RSF1: variants seen among roughly 807,000 people sequenced by gnomAD.
RSF1 encodes HBV pX-associated protein 8.
In RSF1, 13 loss-of-function variants were observed where a neutral mutation model predicts 145.2. The observed-to-expected ratio is 0.09, with a 90% CI of 0.06 to 0.14. The LOEUF (loss-of-function observed/expected upper bound fraction) is 0.14, where lower values mean the gene tolerates loss of function less well. Ranked by LOEUF, RSF1 falls within the 10% of genes least tolerant of loss-of-function variation. The pLI is 1.00. For missense variants in RSF1, 1,517 were observed against 1,718.2 expected (o/e 0.88, Z 2.07); for synonymous variants, 577 against 592.6 (o/e 0.97, Z 0.38).
At chr11:77,843,089 G>A in the RSF1 span, among the ~76,000 whole-genome samples, 8 of 152,310 alleles carry the variant, frequency 5.3e-5, no homozygotes, top group East Asian at 1.5e-3. Flanking sequence ...TTGAGGTACT[G>A]CCAGACTATC....
chr11:77,673,118 T>C (rs1959600538), intron 14 of RSF1, among the ~76,000 whole-genome samples: 1 of 152,232 alleles, frequency 6.6e-6, no homozygotes, highest in South Asian at 2.1e-4. Flanking sequence ...TATGCTGTTC[T>C]ACCTGTCACT....
intron 15 of RSF1, among the ~76,000 whole-genome samples, chr11:77,671,308 T>A (rs1382461165): frequency 6.7e-6 from 1 of 150,150 alleles, no homozygotes; most frequent in Admixed American, 6.7e-5. Flanking sequence ...GGGGGCACAG[T>A]TATAGCTATT....
In RSF1 at chr11:77,782,412, G is replaced by A. The variant is rs537090566; in HGVS notation, c.188-17723C>T. ...AAAACTTAGCCAGGTGTGGTGGCGC[G>A]CACCTGTAGTCCCAGCTACTCAGGA... On this transcript the variant is annotated intron_variant, in intron 1 of 15. Transcript: ENST00000308488. 5.3e-4 allele frequency among the ~76,000 whole-genome samples: 81 copies of A among 152,196 alleles called. No homozygotes were observed. In the South Asian group the frequency reaches 0.016, roughly 30 times the overall value.
At chr11:77,697,626 A>G (rs996151702) in intron 7 of RSF1, among the ~76,000 whole-genome samples, 12 of 149,504 alleles carry the variant, frequency 8.0e-5, no homozygotes, top group African/African-American at 1.2e-4. Context: ...AAAGCTCTCT[A>G]TAAAAGTGGT....
At chr11:77,772,281 T>C (rs901509156) in intron 1 of RSF1, among the ~76,000 whole-genome samples, 1 of 152,072 alleles carries the variant, frequency 6.6e-6, no homozygotes, top group African/African-American at 2.4e-5. Context: ...CTGATCCTTC[T>C]ACCTCAGCCT....
chr11:77,729,895 C>CAAAAAAAAAAAAAAAAAAAAAAAAAAAAA lies in RSF1; in HGVS notation c.579-4197_579-4196insTTTTTTTTTTTTTTTTTTTTTTTTTTTTT, dbSNP rs398045289. Among the ~76,000 whole-genome samples, 28 of 48,938 alleles carry CAAAAAAAAAAAAAAAAAAAAAAAAAAAAA rather than the reference C, an allele frequency of 5.7e-4. 7 individuals carry two copies. Among genetic ancestry groups the CAAAAAAAAAAAAAAAAAAAAAAAAAAAAA allele is most frequent in the Non-Finnish European group, 9.8e-4 (22 of 22,362 alleles). 32.1% of individuals were successfully genotyped at this position (48,938 alleles called of 152,430 possible). The stretch of plus-strand genomic sequence containing the variant: ...TATAAATGCCAAATTATTCAGTAGG[C>CAAAAAAAAAAAAAAAAAAAAAAAAAAAAA]AAAAAAAAAAAAAAAAAAAAAAAAA... On this transcript the variant is annotated intron_variant, in intron 4 of 15. Coordinates refer to ENST00000308488, the MANE Select transcript of RSF1 (RefSeq NM_016578.4).
At chr11:77,667,881 T>C (rs1048930260) in intron 15 of RSF1, among the ~76,000 whole-genome samples, 24 of 152,054 alleles carry the variant, frequency 1.6e-4, no homozygotes, top group Admixed American at 1.2e-3. Flanking sequence ...CTTTTTGTAT[T>C]TTTAGTAGAG....
At chr11:77,856,882 A>G in the RSF1 span, among the ~76,000 whole-genome samples, 2 of 152,236 alleles carry the variant, frequency 1.3e-5, no homozygotes, top group African/African-American at 4.8e-5. Context: ...TCCATATTTC[A>G]TTCTTTACTG....
chr11:77,840,267 G>A, the RSF1 span, among the ~76,000 whole-genome samples: 137 of 152,258 alleles, frequency 9.0e-4, 1 homozygote, highest in African/African-American at 3.1e-3. Context: ...AGTGGCTCAC[G>A]CCTGTAATCC....
intron 1 of RSF1, among the ~76,000 whole-genome samples, chr11:77,803,208 C>T (rs1174582724): frequency 6.6e-6 from 1 of 152,022 alleles, no homozygotes; most frequent in Non-Finnish European, 1.5e-5. Flanking sequence ...AGTGCAGTGG[C>T]ACAACCATGG....
chr11:77,712,806 T>C (rs538546105), intron 5 of RSF1, among the ~76,000 whole-genome samples: 2 of 152,244 alleles, frequency 1.3e-5, no homozygotes, highest in East Asian at 3.8e-4. Flanking sequence ...TAGATATTAT[T>C]CTATGGATTA....
chr11:77,678,951 C>T (rs184406573), intron 11 of RSF1, among the ~76,000 whole-genome samples: 15 of 152,272 alleles, frequency 9.9e-5, no homozygotes, highest in Admixed American at 3.9e-4. Context: ...ATCCAGTTTA[C>T]GGTTACTTTC....
chr11:77,666,891 A>C lies in RSF1; in HGVS notation c.*26T>G. On this transcript the variant is annotated 3_prime_UTR_variant, in exon 16 of 16. Coordinates refer to ENST00000308488, the MANE Select transcript of RSF1 (RefSeq NM_016578.4). ...TGGTGTGAGAGCTACCGTGGAATAA[A>C]TTAGCACAAAAATGGAAAAAAAGTC... 2 of 1,499,008 alleles carry C rather than the reference A, an allele frequency of 1.3e-6. No individual in the cohort carries two copies. The highest frequency in any genetic ancestry group is 1.8e-6 in the Non-Finnish European group (2 of 1,119,050). The allele number at this position is 1,499,008 out of a possible 1,614,324, so 92.9% of individuals were successfully genotyped here.
intron 5 of RSF1, chr11:77,718,339 A>T (rs1248543922): frequency 6.6e-6 from 1 of 152,162 alleles, no homozygotes; most frequent in Non-Finnish European, 1.5e-5. Context: ...GTTTTGATAC[A>T]CGTAATAGTT....
At chr11:77,793,619 T>C (rs1181415933) in intron 1 of RSF1, among the ~76,000 whole-genome samples, 5 of 152,138 alleles carry the variant, frequency 3.3e-5, no homozygotes, top group East Asian at 1.9e-4. Context: ...TGAGCAGAAG[T>C]AGCTAAACAT....
intron 4 of RSF1, among the ~76,000 whole-genome samples, chr11:77,734,309 G>T (rs558548192): frequency 1.3e-3 from 114 of 85,534 alleles, no homozygotes; most frequent in Admixed American, 2.0e-3. Flanking sequence ...TACTTTTTTT[G>T]GGGGGGGGTA....
intron 7 of RSF1, among the ~76,000 whole-genome samples, chr11:77,697,680 A>G (rs546837626): frequency 6.6e-6 from 1 of 150,942 alleles, no homozygotes; most frequent in Non-Finnish European, 1.5e-5. Context: ...TTATTCTCCT[A>G]TAAATTAAAA....
chr11:77,828,564 G>T, the RSF1 span, among the ~76,000 whole-genome samples: 1 of 151,618 alleles, frequency 6.6e-6, no homozygotes. Context: ...CCAGCTACTC[G>T]GGAGGCTGCG....
rs1375447517 is a variant in RSF1 at position 77,700,958 on chromosome 11, G to C, written c.2271C>G (p.Asn757Lys). The stretch of plus-strand genomic sequence containing the variant: ...CTTCCTTTTCTGTCTTCTCTTGCTT[G>C]TTTTCTGGTTCTAGAACTTTGGGGG... ...DSPPKVLEPE[N>K]KQEKTEKEEE... Residue 757 changes from asparagine (N) to lysine (K), a missense_variant, in exon 6 of 16, where the codon AAC (asparagine) becomes AAG (lysine). Physicochemically the swap from Asn to Lys is moderately conservative, Grantham distance 94. This residue lies in a region of RSF1 where 579 missense variants were observed against 553.5 expected (regional missense o/e 1.05). Coordinates refer to ENST00000308488, the MANE Select transcript of RSF1 (RefSeq NM_016578.4). The C allele has an allele frequency of 6.2e-7, 1 of 1,613,130 alleles. No homozygotes were observed. Among genetic ancestry groups the C allele is most frequent in the South Asian group, 1.1e-5 (1 of 91,014 alleles).
Sources: gnomAD v4.1 joint callset for allele counts (sites outside exome capture counted in the v4.1 genomes callset) on GRCh38, gnomAD v4.1.1 for gene constraint, gnomAD v4.1.1 regional missense constraint, MANE v1.5 for transcripts, NCBI Gene and HGNC (gene_info 2026-07-23, HGNC 2026-07-21) for gene names.